Variants in DPP6 observed in about 807,000 individuals in gnomAD.
DPP6 encodes the protein A-type potassium channel modulatory protein DPP6.
Under a neutral mutation model 122.6 loss-of-function variants are expected in DPP6, and 69 were observed. That is an observed-to-expected ratio of 0.56 (90% CI 0.46 to 0.69). The LOEUF is 0.69. Ranked by LOEUF, DPP6 falls within the 30% of genes least tolerant of loss-of-function variation. The pLI, the probability that DPP6 is intolerant of heterozygous loss-of-function variation, is 0.00. For synonymous variants in DPP6, 418 were observed against 433.1 expected, an observed-to-expected ratio of 0.97 and a Z score of 0.43; for missense variants, 928 against 1,116.9, an observed-to-expected ratio of 0.83 and a Z score of 2.41.
intron 1 of DPP6, among the ~76,000 whole-genome samples, chr7:153,933,839 T>TA (rs1311201194): frequency 5.3e-5 from 8 of 152,118 alleles, no homozygotes; most frequent in Non-Finnish European, 1.2e-4. Flanking sequence ...CTGGGTTGTT[T>TA]AGAGTCCCAT....
At chr7:154,480,994 G>T (rs1387268374) in intron 3 of DPP6, among the ~76,000 whole-genome samples, 1 of 152,010 alleles carries the variant, frequency 6.6e-6, no homozygotes, top group Non-Finnish European at 1.5e-5. Flanking sequence ...TAGCCTCCAC[G>T]TGATGTTTGG....
At chr7:154,588,186 C>T in intron 5 of DPP6, 4 of 1,499,812 alleles carry the variant, frequency 2.7e-6, no homozygotes, top group South Asian at 2.7e-5. Context: ...CCCATCCTAT[C>T]CCTGGTCACT....
intron 3 of DPP6, among the ~76,000 whole-genome samples, chr7:154,507,471 A>T (rs1563777528): frequency 6.6e-6 from 1 of 152,144 alleles, no homozygotes; most frequent in Non-Finnish European, 1.5e-5. Flanking sequence ...GTAAGAAACC[A>T]TAATAAGTTT....
At chr7:153,862,411 G>C in the DPP6 span, among the ~76,000 whole-genome samples, 4 of 152,176 alleles carry the variant, frequency 2.6e-5, no homozygotes, top group South Asian at 2.1e-4. Context: ...CCATATTTTA[G>C]GGTTATTTGC....
At chr7:154,199,126 C>G (rs564292270) in intron 1 of DPP6, among the ~76,000 whole-genome samples, 86 of 152,012 alleles carry the variant, frequency 5.7e-4, no homozygotes, top group Non-Finnish European at 7.6e-4. Context: ...CAAGTCCTCA[C>G]GTTCCCTTTT....
intron 1 of DPP6, among the ~76,000 whole-genome samples, chr7:153,989,366 T>C (rs1291639698): frequency 1.3e-5 from 2 of 148,904 alleles, no homozygotes; most frequent in African/African-American, 4.9e-5. Context: ...GGGGAGTGAG[T>C]ATGGGGAGGA....
chr7:154,794,293 G>GGGC lies in DPP6; in HGVS notation c.1260+92_1260+93insGCG, dbSNP rs1459471667. 3 of 1,427,654 alleles carry GGGC rather than the reference G, an allele frequency of 2.1e-6. No individual in the cohort carries two copies. The African/African-American group carries it at 4.4e-5, about 21-fold the overall frequency. 88.4% of individuals were successfully genotyped at this position (1,427,654 alleles called of 1,614,324 possible). A position where few individuals can be genotyped will look rare whatever the true frequency, so the allele number is the denominator to read the frequency against. ...GGCGCCAGAGTCGTCTCAGCCCTCG[G>GGGC]GCCTGGGACTTGGGGACCGGCCGCC... is the stretch of plus-strand genomic sequence containing the variant. On this transcript the variant is annotated intron_variant, in intron 11 of 25. Transcript: ENST00000377770.
chr7:154,390,535 A>G (rs1431506256), intron 1 of DPP6, among the ~76,000 whole-genome samples: 1 of 152,220 alleles, frequency 6.6e-6, no homozygotes, highest in Non-Finnish European at 1.5e-5. Context: ...GATGTTTTAA[A>G]TAGATGTCTC....
chr7:153,790,418 A>G, the DPP6 span, among the ~76,000 whole-genome samples: 1 of 152,206 alleles, frequency 6.6e-6, no homozygotes, highest in Non-Finnish European at 1.5e-5. Flanking sequence ...ACTGGCAATT[A>G]TATGACATGT....
chr7:154,084,989 C>CAAAAAAAAAAA (rs370222780), intron 1 of DPP6, among the ~76,000 whole-genome samples: 2 of 78,422 alleles, frequency 2.6e-5, no homozygotes, highest in African/African-American at 1.1e-4. Context: ...GACTCCGTCT[C>CAAAAAAAAAAA]AAAAAAAAAA....
At chr7:153,757,936 G>A in the DPP6 span, among the ~76,000 whole-genome samples, 1 of 152,204 alleles carries the variant, frequency 6.6e-6, no homozygotes, top group African/African-American at 2.4e-5. Flanking sequence ...TCCAGCCTGG[G>A]TGACAGAATG....
intron 8 of DPP6, among the ~76,000 whole-genome samples, chr7:154,737,431 C>T (rs1842619633): frequency 6.6e-6 from 1 of 152,156 alleles, no homozygotes; most frequent in Admixed American, 6.5e-5. Context: ...CATGCAAAGC[C>T]TATGTAAATA....
chr7:154,059,576 C>T (rs1801376098), intron 1 of DPP6: 1 of 148,966 alleles, frequency 6.7e-6, no homozygotes. Flanking sequence ...ACTGTGGATC[C>T]CAAACTGCAG....
chr7:153,944,663 G>GTTTTTTTTTTTTTTT (rs769081715), intron 1 of DPP6, among the ~76,000 whole-genome samples: 1 of 103,952 alleles, frequency 9.6e-6, no homozygotes, highest in Non-Finnish European at 2.0e-5. Context: ...TTTTTGTGTG[G>GTTTTTTTTTTTTTTT]GTTTTTTTTT....
the DPP6 span, among the ~76,000 whole-genome samples, chr7:153,838,604 C>G: frequency 0.32 from 49,084 of 151,906 alleles, 9,139 homozygotes; most frequent in African/African-American, 0.51. Context: ...TTGAGAGGTT[C>G]CACTGATTAA....
At chr7:154,782,837 G>A (rs539244468) in intron 10 of DPP6, among the ~76,000 whole-genome samples, 6 of 152,046 alleles carry the variant, frequency 3.9e-5, no homozygotes, top group Non-Finnish European at 7.4e-5. Flanking sequence ...AGGTTGGAGT[G>A]CAGTGGCATG....
At chr7:154,752,103 TA>T (rs550190636) in intron 8 of DPP6, among the ~76,000 whole-genome samples, 154 of 152,284 alleles carry the variant, frequency 1.0e-3, no homozygotes, top group African/African-American at 3.6e-3. Flanking sequence ...TTTTCTCATA[TA>T]GGGGCCTTGT....
intron 1 of DPP6, among the ~76,000 whole-genome samples, chr7:154,435,166 G>C (rs1818753066): frequency 6.6e-6 from 1 of 152,044 alleles, no homozygotes; most frequent in African/African-American, 2.4e-5. Flanking sequence ...TGGATTACTA[G>C]GCATTAATTA....
At chr7:154,017,463 G>T (rs892994848) in intron 1 of DPP6, among the ~76,000 whole-genome samples, 5 of 151,998 alleles carry the variant, frequency 3.3e-5, no homozygotes, top group African/African-American at 4.8e-5. Flanking sequence ...ACTTTGGGAG[G>T]CTGAGGATTG....
Sources: gnomAD v4.1 joint callset for allele counts (sites outside exome capture counted in the v4.1 genomes callset) on GRCh38, gnomAD v4.1.1 for gene constraint, MANE v1.5 for transcripts, NCBI Gene and HGNC (gene_info 2026-07-23, HGNC 2026-07-21) for gene names.